The following RET variants were observed in gnomAD, a reference collection of about 807,000 sequenced individuals.
RET encodes the protein proto-oncogene tyrosine-protein kinase receptor Ret.
RET carries 19 observed loss-of-function variants against 118.3 expected under a neutral mutation model. The observed-to-expected ratio is 0.16, with a 90% confidence interval of 0.11 to 0.24. The LOEUF is 0.24. Among genes scored for constraint, RET ranks in the 10% least tolerant of loss-of-function variants. RET has a pLI of 1.00. For synonymous variants in RET, 597 were observed against 644.1 expected (o/e 0.93, Z 1.11); for missense variants, 1,219 against 1,502.1 (o/e 0.81, Z 3.12).
At chr10:43,122,056 A>C in intron 16 of RET, 40 bp downstream of exon 16, 1 of 1,509,616 alleles carries the variant, frequency 6.6e-7, no homozygotes, top group Non-Finnish European at 9.2e-7. Flanking sequence ...GAGGTTACAG[A>C]AACACCCTTA....
intron 6 of RET, among the ~76,000 whole-genome samples, chr10:43,110,634 G>A (rs966512518): frequency 1.3e-5 from 2 of 152,150 alleles, no homozygotes; most frequent in Admixed American, 6.5e-5. Context: ...CTTTCCCAGA[G>A]GCTCTGCTCA....
At chr10:43,099,816 T>G (rs1299705454) in intron 1 of RET, among the ~76,000 whole-genome samples, 1 of 152,192 alleles carries the variant, frequency 6.6e-6, no homozygotes, top group Non-Finnish European at 1.5e-5. Context: ...GCATGGTTTG[T>G]GTGTGTGACC....
chr10:43,100,851 G>A (rs1166604748), intron 2 of RET, 129 bp downstream of exon 2: 2 of 1,042,350 alleles, frequency 1.9e-6, no homozygotes, highest in Non-Finnish European at 2.9e-6. Context: ...AGGCGTCAGG[G>A]GTTAAGTGAG....
intron 2 of RET, 107 bp downstream of exon 2, chr10:43,100,829 C>CA: frequency 7.8e-7 from 1 of 1,276,838 alleles, no homozygotes; most frequent in Non-Finnish European, 1.1e-6. Flanking sequence ...TCCCCCCCAC[C>CA]GCTGGTGTGG....
chr10:43,102,289 G>A, intron 2 of RET, 53 bp from the exon 3 acceptor site: 62 of 1,607,332 alleles, frequency 3.9e-5, no homozygotes, highest in Non-Finnish European at 5.1e-5. Flanking sequence ...CCCCATTCCC[G>A]ACTGCCTGGC....
intron 1 of RET, among the ~76,000 whole-genome samples, chr10:43,077,869 C>T (rs1305670299): frequency 6.6e-6 from 1 of 152,246 alleles, no homozygotes; most frequent in East Asian, 1.9e-4. Flanking sequence ...TTGCTTTTCC[C>T]TCGTGCGTTT....
intron 3 of RET, among the ~76,000 whole-genome samples, chr10:43,103,213 G>A (rs1249748968): frequency 1.3e-5 from 2 of 152,148 alleles, no homozygotes; most frequent in African/African-American, 4.8e-5. Flanking sequence ...GGAACATGGG[G>A]AGCTATGGAA....
intron 16 of RET, 151 bp downstream of exon 16, chr10:43,122,167 C>G (rs776955674): frequency 1.2e-5 from 9 of 746,452 alleles, no homozygotes; most frequent in Non-Finnish European, 2.0e-5. Flanking sequence ...CAATGACCCC[C>G]TCACTGAGGG....
At chr10:43,101,244 G>A (rs765476760) in intron 2 of RET, among the ~76,000 whole-genome samples, 27 of 152,136 alleles carry the variant, frequency 1.8e-4, no homozygotes, top group Non-Finnish European at 3.2e-4. Flanking sequence ...GGTAATGGGA[G>A]GGGTGGGGGG....
chr10:43,121,760 C>T (rs926599538), intron 15 of RET, among the ~76,000 whole-genome samples, 186 bp from the exon 16 acceptor site: 1 of 152,156 alleles, frequency 6.6e-6, no homozygotes, highest in African/African-American at 2.4e-5. Flanking sequence ...TCTCAGCAAT[C>T]CACAGGAGGT....
At chr10:43,094,985 G>T (rs1425145176) in intron 1 of RET, among the ~76,000 whole-genome samples, 1 of 152,114 alleles carries the variant, frequency 6.6e-6, no homozygotes, top group East Asian at 1.9e-4. Flanking sequence ...GACAGGAGCA[G>T]TAACATCAGA....
chr10:43,089,681 G>GT (rs1328839849), intron 1 of RET, among the ~76,000 whole-genome samples: 4 of 152,170 alleles, frequency 2.6e-5, no homozygotes, highest in African/African-American at 9.7e-5. Flanking sequence ...CACATGCAAG[G>GT]ACACACCACA....
In RET at chr10:43,077,271, A is replaced by G. The variant is rs2132497461; in HGVS notation, c.13A>G (p.Thr5Ala). The change falls in exon 1 of 20, where the codon ACG becomes GCG. Residue 5 changes from threonine to alanine, a missense_variant. This residue lies in a region of RET where 38 missense variants were observed against 33.1 expected (regional missense o/e 1.15). Coordinates refer to ENST00000355710, the MANE Select transcript of RET (RefSeq NM_020975.6). ...GCGCGCACGGGCGATGGCGAAGGCG[A>G]CGTCCGGTGCCGCGGGGCTGCGTCT... MAKA[T>A]SGAAGLRLLL... The G allele has an allele frequency of 1.3e-6, 2 of 1,506,152 alleles. No homozygotes were observed. The highest frequency in any genetic ancestry group is 2.5e-5 in the South Asian group (2 of 80,978). The allele number at this position is 1,506,152 out of a possible 1,614,324, so 93.3% of individuals were successfully genotyped here.
At chr10:43,110,447 C>G (rs913652181) in intron 6 of RET, among the ~76,000 whole-genome samples, 1 of 152,144 alleles carries the variant, frequency 6.6e-6, no homozygotes, top group Non-Finnish European at 1.5e-5. Context: ...TGCTCTGGCC[C>G]GCCCCCATCT....
At chr10:43,097,010 T>G (rs996060326) in intron 1 of RET, among the ~76,000 whole-genome samples, 1 of 152,208 alleles carries the variant, frequency 6.6e-6, no homozygotes, top group South Asian at 2.1e-4. Context: ...TAAGTCTGTT[T>G]CTGCTCGCAA....
At chr10:43,090,498 T>C (rs146561684) in intron 1 of RET, among the ~76,000 whole-genome samples, 103 of 152,190 alleles carry the variant, frequency 6.8e-4, no homozygotes, top group African/African-American at 2.4e-3. Flanking sequence ...TGCTCAGGGC[T>C]GTGTGCTCCA....
intron 16 of RET, among the ~76,000 whole-genome samples, chr10:43,122,703 G>A (rs532216654): frequency 1.3e-5 from 2 of 152,140 alleles, no homozygotes; most frequent in African/African-American, 4.8e-5. Flanking sequence ...CACCTCCTGG[G>A]TTCAAGCGAT....
chr10:43,116,946 G>A (rs1158965130), intron 12 of RET, among the ~76,000 whole-genome samples: 2 of 152,262 alleles, frequency 1.3e-5, no homozygotes, highest in Non-Finnish European at 2.9e-5. Flanking sequence ...TGCTGTGCCA[G>A]TGCCACTGAA....
rs1247841408 is a variant in RET at position 43,106,653 on chromosome 10, C to G, written c.1063+82C>G. Reference sequence around the variant, plus strand: ...CTTCATGGGCAAGCAGCACCCTACACACATGCACACCTGGCATGGCCCTCT... The same window carrying G: ...CTTCATGGGCAAGCAGCACCCTACAGACATGCACACCTGGCATGGCCCTCT... On this transcript the variant is annotated intron_variant, in intron 5 of 19. Transcript: ENST00000355710. This position sits in a 1 kb window ranked among gnomAD's most constrained non-coding sequence, Gnocchi z 5.1. The G allele has an allele frequency of 2.9e-6, 4 of 1,395,682 alleles. No homozygotes were observed. Among genetic ancestry groups the G allele is most frequent in the Non-Finnish European group, 4.0e-6 (4 of 1,005,816 alleles). 86.5% of individuals were successfully genotyped at this position (1,395,682 alleles called of 1,614,324 possible). A position where few individuals can be genotyped will look rare whatever the true frequency, so the allele number is the denominator to read the frequency against.
Sources: allele counts gnomAD v4.1 joint callset (sites outside exome capture counted in the v4.1 genomes callset), GRCh38; gene constraint gnomAD v4.1.1; regional missense constraint gnomAD v4.1.1; non-coding constraint Gnocchi (gnomAD v3.1); transcripts MANE v1.5; gene names NCBI Gene and HGNC (gene_info 2026-07-23, HGNC 2026-07-21).